The following RHBDD1 variants were observed in gnomAD, a reference collection of about 807,000 sequenced individuals.
RHBDD1 encodes the protein rhomboid domain containing 1.
RHBDD1 carries 38 observed loss-of-function variants against 36.3 expected under a neutral mutation model. The observed-to-expected ratio is 1.05, with a 90% CI of 0.81 to 1.37. The LOEUF (loss-of-function observed/expected upper bound fraction) is 1.37. RHBDD1 is among the 40% of genes most tolerant of loss of function. The pLI is 0.00. For missense variants in RHBDD1, 393 were observed against 377.6 expected (o/e 1.04, Z -0.34); for synonymous variants, 151 against 136.5 (o/e 1.11, Z -0.74).
chr2:226,986,351 A>G (rs1182705879), intron 8 of RHBDD1, among the ~76,000 whole-genome samples: 1 of 152,234 alleles, frequency 6.6e-6, no homozygotes, highest in East Asian at 1.9e-4. Flanking sequence ...GAATGTATCA[A>G]TGTTGGTTTC....
the RHBDD1 span, among the ~76,000 whole-genome samples, chr2:226,806,048 T>C: frequency 2.0e-4 from 31 of 152,256 alleles, no homozygotes; most frequent in African/African-American, 7.0e-4. Flanking sequence ...CCATATCCTC[T>C]CCTCAACTGC....
At chr2:226,904,917 T>G (rs1947916570) in intron 5 of RHBDD1, among the ~76,000 whole-genome samples, 2 of 152,200 alleles carry the variant, frequency 1.3e-5, no homozygotes, top group African/African-American at 4.8e-5. Flanking sequence ...CTAGTGGTTT[T>G]AACTTACCTC....
At chr2:226,822,649 A>G in the RHBDD1 span, among the ~76,000 whole-genome samples, 27,422 of 150,562 alleles carry the variant, frequency 0.18, 4,151 homozygotes, top group African/African-American at 0.41. Context: ...AAAAAAAAAA[A>G]AAAGAAAATA....
At chr2:226,923,844 T>C (rs573696426) in intron 8 of RHBDD1, among the ~76,000 whole-genome samples, 19 of 152,050 alleles carry the variant, frequency 1.2e-4, no homozygotes, top group Non-Finnish European at 2.6e-4. Context: ...CTTGATTTGT[T>C]TTAATTATTT....
chr2:226,812,647 C>CTCTCTTTTTT, the RHBDD1 span, among the ~76,000 whole-genome samples: 19 of 150,386 alleles, frequency 1.3e-4, no homozygotes, highest in South Asian at 4.2e-4. Flanking sequence ...CTCTCTCTCT[C>CTCTCTTTTTT]TTTTTTTTTG....
At chr2:226,852,523 A>G (rs1942907569) in intron 3 of RHBDD1, among the ~76,000 whole-genome samples, 1 of 152,172 alleles carries the variant, frequency 6.6e-6, no homozygotes, top group South Asian at 2.1e-4. Context: ...ATGTGAGTAT[A>G]TAACAGAAAA....
At chr2:226,926,282 C>T (rs1949668036) in intron 8 of RHBDD1, among the ~76,000 whole-genome samples, 1 of 151,430 alleles carries the variant, frequency 6.6e-6, no homozygotes, top group African/African-American at 2.4e-5. Flanking sequence ...ATGGCCACAT[C>T]AAAGAAAATT....
Position 226,997,275 on chromosome 2 carries a change from A to G in RHBDD1, c.*1753A>G, listed in dbSNP as rs916521530. Reference sequence around the variant, plus strand: ...GTGTTTAAATTAAAATATTCAAGCTAAATGTTACTGCTCTCTCCCAAATTC... The same window carrying G: ...GTGTTTAAATTAAAATATTCAAGCTGAATGTTACTGCTCTCTCCCAAATTC... On this transcript the variant is annotated 3_prime_UTR_variant, in exon 9 of 9. Coordinates refer to ENST00000392062, the MANE Select transcript of RHBDD1 (RefSeq NM_001167608.3). The G allele has an allele frequency of 6.6e-6, 1 of 152,232 alleles. No homozygotes were observed. The highest frequency in any genetic ancestry group is 2.4e-5 in the African/African-American group (1 of 41,452). 9.4% of individuals were successfully genotyped at this position (152,232 alleles called of 1,614,324 possible).
chr2:226,851,943 T>A (rs1942856646), intron 3 of RHBDD1, among the ~76,000 whole-genome samples: 1 of 152,178 alleles, frequency 6.6e-6, no homozygotes, highest in Non-Finnish European at 1.5e-5. Flanking sequence ...TGTTGGCTTG[T>A]TTTACCTTTT....
In RHBDD1 at chr2:226,869,609, G is replaced by A. The variant is rs529870760; in HGVS notation, c.566+2291G>A. On this transcript the variant is annotated intron_variant, in intron 5 of 8. Coordinates refer to ENST00000392062, the MANE Select transcript of RHBDD1 (RefSeq NM_001167608.3). The stretch of plus-strand genomic sequence containing the variant: ...TGGTGGACCTCTGTGTTTTATGAAA[G>A]CCACGGAATTAGTAATTTCCCCCAG... 1.2e-4 allele frequency among the ~76,000 whole-genome samples: 19 copies of A among 152,288 alleles called. 1 individual carries two copies. The highest frequency in any genetic ancestry group is 4.6e-4 in the African/African-American group (19 of 41,576).
intron 3 of RHBDD1, among the ~76,000 whole-genome samples, chr2:226,862,506 C>G (rs1943947911): frequency 6.6e-6 from 1 of 152,020 alleles, no homozygotes; most frequent in Non-Finnish European, 1.5e-5. Flanking sequence ...AGAACTTTTT[C>G]AACATTTTGC....
At chr2:226,858,667 CTT>C (rs1345004928) in intron 3 of RHBDD1, among the ~76,000 whole-genome samples, 1 of 151,978 alleles carries the variant, frequency 6.6e-6, no homozygotes, top group Non-Finnish European at 1.5e-5. Context: ...CTTTTTACTC[CTT>C]TCTCTCCCCC....
chr2:226,883,756 A>C (rs1478718688), intron 5 of RHBDD1, among the ~76,000 whole-genome samples: 1 of 152,178 alleles, frequency 6.6e-6, no homozygotes, highest in African/African-American at 2.4e-5. Context: ...AAAATGGTAA[A>C]ATTTTTAAAA....
chr2:226,837,073 C>T (rs1288299759), intron 1 of RHBDD1, among the ~76,000 whole-genome samples: 1 of 152,066 alleles, frequency 6.6e-6, no homozygotes, highest in East Asian at 1.9e-4. Flanking sequence ...TGCACCTGGA[C>T]GCTAAAGTTT....
chr2:226,866,963 T>C (rs1392837226), intron 4 of RHBDD1, among the ~76,000 whole-genome samples: 1 of 152,226 alleles, frequency 6.6e-6, no homozygotes, highest in Non-Finnish European at 1.5e-5. Flanking sequence ...AGTAGCATAC[T>C]GAACACCAAT....
intron 8 of RHBDD1, among the ~76,000 whole-genome samples, chr2:226,940,609 A>C (rs1443175280): frequency 6.6e-6 from 1 of 152,176 alleles, no homozygotes; most frequent in African/African-American, 2.4e-5. Context: ...AAAAATTTTA[A>C]TTAAAAAGTA....
At chr2:226,881,573 C>T (rs1945741922) in intron 5 of RHBDD1, among the ~76,000 whole-genome samples, 1 of 152,128 alleles carries the variant, frequency 6.6e-6, no homozygotes, top group African/African-American at 2.4e-5. Flanking sequence ...TCTTGGCTCC[C>T]AGGTCCGAGT....
intron 5 of RHBDD1, among the ~76,000 whole-genome samples, chr2:226,901,970 C>T (rs1463306863): frequency 2.0e-5 from 3 of 152,020 alleles, no homozygotes; most frequent in East Asian, 1.9e-4. Flanking sequence ...AGTGTCAGGC[C>T]GTTTACTGTA....
Position 226,845,296 on chromosome 2 carries a change from C to G in RHBDD1, c.-91+5669C>G, listed in dbSNP as rs1942099768. ...AAAACATTTTAAAACTATTTTAAGT[C>G]TGATTTGTCACAATTTGTGATTTTG... is the stretch of plus-strand genomic sequence containing the variant. On this transcript the variant is annotated intron_variant, in intron 3 of 8. Coordinates refer to ENST00000392062, the MANE Select transcript of RHBDD1 (RefSeq NM_001167608.3). 3.9e-5 allele frequency among the ~76,000 whole-genome samples: 6 copies of G among 152,106 alleles called. No individual in the cohort carries two copies. In the South Asian group the frequency reaches 1.0e-3, roughly 26 times the overall value.
Sources: gnomAD v4.1 joint callset for allele counts (sites outside exome capture counted in the v4.1 genomes callset) on GRCh38, gnomAD v4.1.1 for gene constraint, MANE v1.5 for transcripts, NCBI Gene and HGNC (gene_info 2026-07-23, HGNC 2026-07-21) for gene names.